Variants in TEX9 observed in about 807,000 individuals in gnomAD.
TEX9 encodes the protein testis expressed 9.
In TEX9, 74 loss-of-function variants were observed where a neutral mutation model predicts 59.6. The ratio of observed to expected loss-of-function variants is 1.24; its 90% CI spans 1.03 to 1.51. The LOEUF (loss-of-function observed/expected upper bound fraction) is 1.51, where lower values mean the gene tolerates loss of function less well. Among genes scored for constraint, TEX9 ranks in the 40% most tolerant of loss-of-function variants. TEX9 has a pLI of 0.00. For synonymous variants in TEX9, 186 were observed against 152.2 expected (o/e 1.22, Z -1.64); for missense variants, 522 against 447.8 (o/e 1.17, Z -1.49).
intron 12 of TEX9, among the ~76,000 whole-genome samples, chr15:56,435,297 A>T (rs1024770854): frequency 6.6e-6 from 1 of 152,036 alleles, no homozygotes; most frequent in South Asian, 2.1e-4. Flanking sequence ...AACCCAAAAT[A>T]TGCAGAAGGA....
At chr15:56,360,503 T>C (rs1247210064), upstream of TEX9, among the ~76,000 whole-genome samples, 1 of 152,242 alleles carries the variant, frequency 6.6e-6, no homozygotes, top group Non-Finnish European at 1.5e-5. Context: ...ATAGAGTTCA[T>C]AGTATTCCTT....
chr15:56,333,857 A>G (rs555601108), intron 1 of TEX9, among the ~76,000 whole-genome samples: 1 of 152,162 alleles, frequency 6.6e-6, no homozygotes, highest in Non-Finnish European at 1.5e-5. Flanking sequence ...AATCAGTAGC[A>G]TTTTTATATT....
rs200906123 is a variant in TEX9, at chr15:56,387,102, TAC to T, written c.264-1368_264-1367del. Among the ~76,000 whole-genome samples, 594 of 152,120 alleles carry T rather than the reference TAC, an allele frequency of 3.9e-3. 20 individuals carry two copies. The highest frequency in any genetic ancestry group is 0.035 in the Admixed American group (537 of 15,244). ...AGTCTGCTTGAAGCATGGTTTACCA[TAC>T]AGTTATTTCCATCATATTACAAACA... On this transcript the variant is annotated intron_variant, in intron 4 of 12. Transcript: ENST00000352903.
rs1331504965 is a variant in TEX9, at chr15:56,412,501, T to A, written c.963+65T>A. 11 of 1,457,492 alleles carry A rather than the reference T, an allele frequency of 7.5e-6. No homozygotes were observed. In the African/African-American group the frequency reaches 1.4e-4, roughly 19 times the overall value. The allele number at this position is 1,457,492 out of a possible 1,614,324, so 90.3% of individuals were successfully genotyped here. A position where few individuals can be genotyped will look rare whatever the true frequency, so the allele number is the denominator to read the frequency against. On this transcript the variant is annotated intron_variant, in intron 10 of 12. Transcript: ENST00000352903. ...GGTAACTACTTCTTTTATGAACATG[T>A]CAAAAATAATACTTAAATTATAATT...
chr15:56,445,571 G>A (rs1208837138), intron 12 of TEX9: 4 of 151,826 alleles, frequency 2.6e-5, no homozygotes, highest in East Asian at 1.9e-4. Flanking sequence ...TATCTTCTTT[G>A]TACATGCTAT....
At chr15:56,449,177 T>TTAG (rs1449801139), downstream of TEX9, among the ~76,000 whole-genome samples, 2 of 152,166 alleles carry the variant, frequency 1.3e-5, no homozygotes. Flanking sequence ...ATTGCACTGA[T>TTAG]TAGTATGTAT....
intron 1 of TEX9, among the ~76,000 whole-genome samples, chr15:56,256,544 C>T (rs781563721): frequency 1.2e-4 from 18 of 151,338 alleles, no homozygotes; most frequent in Non-Finnish European, 1.9e-4. Context: ...AGGAAAAAAA[C>T]ATGAATAAAA....
intron 9 of TEX9, among the ~76,000 whole-genome samples, chr15:56,407,852 G>C (rs759665564): frequency 6.6e-6 from 1 of 151,796 alleles, no homozygotes; most frequent in Admixed American, 6.6e-5. Flanking sequence ...TTACAACCTC[G>C]CTGCCTCTAT....
chr15:56,340,954 C>G (rs1366064349), intron 1 of TEX9, among the ~76,000 whole-genome samples: 2 of 151,572 alleles, frequency 1.3e-5, no homozygotes, highest in Non-Finnish European at 2.9e-5. Context: ...TCGGGCACAC[C>G]TGGGGTTCAA....
rs79508670 is a variant in TEX9 at position 56,320,498 on chromosome 15, T to A, written c.-106-52943T>A. Among the ~76,000 whole-genome samples the A allele has an allele frequency of 4.7e-5, 7 of 147,690 alleles. No homozygotes were observed. The East Asian group carries it at 1.4e-3, about 30-fold the overall frequency. On this transcript the variant is annotated intron_variant, in intron 1 of 5. Coordinates refer to the TEX9 transcript ENST00000560827. ...GTGGGGATAGAGGGAAAGAGAGAGA[T>A]AGAGAGGAGAAAGAGAGAGACAGAG... is the stretch of plus-strand genomic sequence containing the variant.
At chr15:56,452,236 C>T in the TEX9 span, among the ~76,000 whole-genome samples, 1 of 152,004 alleles carries the variant, frequency 6.6e-6, no homozygotes, top group African/African-American at 2.4e-5. Context: ...CGAAACACAG[C>T]AAAATTGGCA....
intron 9 of TEX9, among the ~76,000 whole-genome samples, chr15:56,402,723 A>C (rs758583119): frequency 6.6e-6 from 1 of 152,224 alleles, no homozygotes; most frequent in African/African-American, 2.4e-5. Context: ...ACATTGATGC[A>C]AAAATCCTCA....
chr15:56,342,310 C>A (rs1211250884), intron 1 of TEX9, among the ~76,000 whole-genome samples: 1 of 152,042 alleles, frequency 6.6e-6, no homozygotes, highest in Non-Finnish European at 1.5e-5. Context: ...AGCTAAGGCT[C>A]AGAGAGGTTA....
chr15:56,291,516 C>T (rs2045092088), intron 1 of TEX9, among the ~76,000 whole-genome samples: 1 of 152,134 alleles, frequency 6.6e-6, no homozygotes, highest in African/African-American at 2.4e-5. Context: ...GTTGAATCAA[C>T]CTAATTAACA....
chr15:56,444,776 A>G (rs1162637254), intron 12 of TEX9: 1 of 1,058,668 alleles, frequency 9.4e-7, no homozygotes, highest in Admixed American at 2.4e-5. Context: ...CTTTTACATA[A>G]AATAAATTTT....
chr15:56,434,076 T>C (rs2050672349), intron 12 of TEX9: 1 of 1,514,182 alleles, frequency 6.6e-7, no homozygotes, highest in Admixed American at 1.9e-5. Context: ...GTTTAGTGGA[T>C]GATAGATGAG....
chr15:56,387,717 G>C (rs2048023824), intron 4 of TEX9, among the ~76,000 whole-genome samples: 1 of 151,776 alleles, frequency 6.6e-6, no homozygotes. Context: ...TTCTGTAAAG[G>C]GGCAGATAGC....
chr15:56,315,142 C>G (rs1278711432), intron 1 of TEX9, among the ~76,000 whole-genome samples: 267 of 147,826 alleles, frequency 1.8e-3, no homozygotes, highest in Non-Finnish European at 3.4e-3. Context: ...AGAATTTAGT[C>G]CATTTACATT....
chr15:56,365,446 C>T (rs781073455), exon 1 of TEX9: 3 of 1,609,592 alleles, frequency 1.9e-6, no homozygotes, highest in South Asian at 1.1e-5. Flanking sequence ...TCGCAGTCGC[C>T]GAAGATGGCG....
Sources: allele counts gnomAD v4.1 joint callset (sites outside exome capture counted in the v4.1 genomes callset), GRCh38; gene constraint gnomAD v4.1.1; transcripts MANE v1.5; gene names NCBI Gene and HGNC (gene_info 2026-07-23, HGNC 2026-07-21).